The following UNC5B variants were observed in gnomAD, a reference collection of about 807,000 sequenced individuals.
UNC5B encodes the protein unc-5 netrin receptor B.
In UNC5B, 56 loss-of-function variants were observed where a neutral mutation model predicts 103.7. That is an observed-to-expected ratio of 0.54 (90% CI 0.44 to 0.67). The LOEUF is 0.67. Among genes scored for constraint, UNC5B ranks in the 30% least tolerant of loss-of-function variants. UNC5B has a pLI of 0.00. For missense variants in UNC5B, 1,194 were observed against 1,284.5 expected (o/e 0.93, Z 1.08); for synonymous variants, 577 against 542.0 (o/e 1.06, Z -0.90).
At chr10:71,217,262 A>C (rs1435295223) in intron 1 of UNC5B, 1 of 152,700 alleles carries the variant, frequency 6.5e-6, no homozygotes, top group Non-Finnish European at 1.5e-5. Context: ...TAAGGAAATT[A>C]AAAATACCGT....
chr10:71,222,763 C>T (rs997030041), intron 1 of UNC5B, among the ~76,000 whole-genome samples: 4 of 152,214 alleles, frequency 2.6e-5, no homozygotes, highest in Non-Finnish European at 4.4e-5. Context: ...CTGAGATCAC[C>T]CAGGAGCCTG....
chr10:71,295,461 T>A (rs1845382632), intron 13 of UNC5B, among the ~76,000 whole-genome samples: 1 of 152,212 alleles, frequency 6.6e-6, no homozygotes, highest in Admixed American at 6.5e-5. Flanking sequence ...ATCCATTCAT[T>A]TATCTTTTCT....
chr10:71,286,077 G>A (rs1410237018), intron 4 of UNC5B, among the ~76,000 whole-genome samples: 1 of 152,156 alleles, frequency 6.6e-6, no homozygotes, highest in Admixed American at 6.5e-5. Context: ...AAATACCCCT[G>A]GCCCATATAT....
intron 1 of UNC5B, among the ~76,000 whole-genome samples, chr10:71,245,339 G>A (rs148279116): frequency 1.3e-3 from 203 of 152,270 alleles, no homozygotes; most frequent in African/African-American, 4.6e-3. Flanking sequence ...CAAGGTATTC[G>A]CACCTACATT....
chr10:71,300,950 C>A lies in UNC5B; in HGVS notation c.*1673C>A, dbSNP rs1845572578. On this transcript the variant is annotated 3_prime_UTR_variant, in exon 17 of 17. Coordinates refer to ENST00000335350, the MANE Select transcript of UNC5B (RefSeq NM_170744.5). ...GAGGGGACAGCACATACCACCCCCA[C>A]CCAACCTGTTCGAGGGGCCCTGCAT... 2 of 152,540 alleles carry A rather than the reference C, an allele frequency of 1.3e-5. No individual in the cohort carries two copies. Among genetic ancestry groups the A allele is most frequent in the East Asian group, 1.9e-4 (1 of 5,206 alleles). 9.4% of individuals were successfully genotyped at this position (152,540 alleles called of 1,614,324 possible). A position where few individuals can be genotyped will look rare whatever the true frequency, so the allele number is the denominator to read the frequency against.
At chr10:71,256,078 A>G (rs1844283845) in intron 1 of UNC5B, among the ~76,000 whole-genome samples, 1 of 152,272 alleles carries the variant, frequency 6.6e-6, no homozygotes, top group Admixed American at 6.5e-5. Flanking sequence ...TTTTACAGAT[A>G]AGGAAACTTA....
intron 1 of UNC5B, among the ~76,000 whole-genome samples, chr10:71,240,870 A>G (rs1843883933): frequency 6.6e-6 from 1 of 152,218 alleles, no homozygotes. Flanking sequence ...CCAGTCCCCA[A>G]GGGCCAAGAA....
Position 71,251,486 on chromosome 10 carries a change from T to G in UNC5B, c.80-28335T>G, listed in dbSNP as rs184001792. Reference sequence around the variant, plus strand: ...GACTTGCAGGCCCCAGAGCACAGTTTATCTCCCCATCTGCAAGAGCGATTT... The same window carrying G: ...GACTTGCAGGCCCCAGAGCACAGTTGATCTCCCCATCTGCAAGAGCGATTT... On this transcript the variant is annotated intron_variant, in intron 1 of 16. Coordinates refer to ENST00000335350, the MANE Select transcript of UNC5B (RefSeq NM_170744.5). Among the ~76,000 whole-genome samples, 152 of 152,348 alleles carry G rather than the reference T, an allele frequency of 1.0e-3. 1 individual carries two copies. The highest frequency in any genetic ancestry group is 3.5e-3 in the African/African-American group (144 of 41,578).
intron 7 of UNC5B, 112 bp from the exon 8 acceptor site, chr10:71,288,846 G>A (rs930997453): frequency 6.4e-6 from 10 of 1,560,088 alleles, no homozygotes; most frequent in Admixed American, 1.8e-5. Flanking sequence ...AGTCCTCAGG[G>A]CCTCTGTCCC....
chr10:71,274,994 ACCT>A (rs1844735693), intron 1 of UNC5B, among the ~76,000 whole-genome samples: 1 of 152,116 alleles, frequency 6.6e-6, no homozygotes, highest in Non-Finnish European at 1.5e-5. Flanking sequence ...GACTTGGCCA[ACCT>A]CCTCATTTTA....
At chr10:71,227,516 A>G (rs551915401) in intron 1 of UNC5B, among the ~76,000 whole-genome samples, 1 of 151,984 alleles carries the variant, frequency 6.6e-6, no homozygotes, top group East Asian at 1.9e-4. Flanking sequence ...TCACCACTAA[A>G]TAACTTATTA....
chr10:71,234,507 GC>G (rs1173107045), intron 1 of UNC5B, among the ~76,000 whole-genome samples: 1 of 152,234 alleles, frequency 6.6e-6, no homozygotes, highest in Non-Finnish European at 1.5e-5. Flanking sequence ...AAGAAGCAAA[GC>G]CCCTTGTATG....
At chr10:71,250,896 G>C (rs1262882171) in intron 1 of UNC5B, among the ~76,000 whole-genome samples, 1 of 152,324 alleles carries the variant, frequency 6.6e-6, no homozygotes, top group East Asian at 1.9e-4. Context: ...AATACTTACA[G>C]CATGCTAGAG....
chr10:71,236,178 T>C (rs1033902974), intron 1 of UNC5B, among the ~76,000 whole-genome samples: 1 of 152,216 alleles, frequency 6.6e-6, no homozygotes, highest in African/African-American at 2.4e-5. Flanking sequence ...GGTGACACCT[T>C]GGCTTACAGT....
intron 1 of UNC5B, among the ~76,000 whole-genome samples, chr10:71,279,136 G>A (rs1006010676): frequency 2.0e-5 from 3 of 152,214 alleles, no homozygotes; most frequent in Admixed American, 6.5e-5. Context: ...CTGGGGTGGG[G>A]GTTGGGAAGA....
intron 1 of UNC5B, among the ~76,000 whole-genome samples, chr10:71,249,523 A>G (rs987129837): frequency 2.0e-5 from 3 of 152,158 alleles, no homozygotes; most frequent in Non-Finnish European, 2.9e-5. Flanking sequence ...CGCACCTTGC[A>G]CCTCTGTGCC....
intron 1 of UNC5B, among the ~76,000 whole-genome samples, chr10:71,243,651 C>T (rs1031739672): frequency 6.6e-5 from 10 of 152,122 alleles, no homozygotes; most frequent in Non-Finnish European, 2.9e-5. Flanking sequence ...GGGAAGCCTT[C>T]GCCACCCCCT....
chr10:71,299,402 T>C lies in UNC5B; in HGVS notation c.*125T>C. 8.4e-7 allele frequency: 1 copy of C among 1,193,682 alleles called. No homozygotes were observed. The highest frequency in any genetic ancestry group is 1.2e-6 in the Non-Finnish European group (1 of 848,920). 73.9% of individuals were successfully genotyped at this position (1,193,682 alleles called of 1,614,324 possible). On this transcript the variant is annotated 3_prime_UTR_variant, in exon 17 of 17. Coordinates refer to ENST00000335350, the MANE Select transcript of UNC5B (RefSeq NM_170744.5). ...AGTTCACAGCCAGAGTTGCCTCTCC[T>C]CCTCCTCTTCCCCAACCCCCAGACC...
intron 1 of UNC5B, among the ~76,000 whole-genome samples, chr10:71,234,787 G>GC (rs1221524059): frequency 6.6e-6 from 1 of 152,224 alleles, no homozygotes; most frequent in Non-Finnish European, 1.5e-5. Flanking sequence ...GGGTCTGGGG[G>GC]CCCTGCTGCC....
Sources: gnomAD v4.1 joint callset for allele counts (sites outside exome capture counted in the v4.1 genomes callset) on GRCh38, gnomAD v4.1.1 for gene constraint, MANE v1.5 for transcripts, NCBI Gene and HGNC (gene_info 2026-07-23, HGNC 2026-07-21) for gene names.